Variants in WNT3A observed in about 807,000 individuals in gnomAD.
WNT3A encodes protein Wnt-3a.
WNT3A carries 17 observed loss-of-function variants against 37.0 expected under a neutral mutation model. The ratio of observed to expected loss-of-function variants is 0.46; its 90% CI spans 0.31 to 0.69. WNT3A has a LOEUF of 0.69. Ranked by LOEUF, WNT3A falls within the 30% of genes least tolerant of loss-of-function variation. The probability of loss-of-function intolerance (pLI) is 0.05; values close to 1 mark genes in which losing one functional copy is unlikely to be tolerated. For synonymous variants in WNT3A, 187 were observed against 211.0 expected (o/e 0.89, Z 0.99); for missense variants, 411 against 510.2 (o/e 0.81, Z 1.87).
chr1:228,055,173 AAAAAAAATATATATAT>A (rs1220248206), intron 3 of WNT3A, among the ~76,000 whole-genome samples: 59 of 72,280 alleles, frequency 8.2e-4, no homozygotes, highest in South Asian at 3.7e-3. Context: ...AAAAAAAAAA[AAAAAAAATATATATAT>A]ATATATATAT....
chr1:228,022,811 T>C lies in WNT3A; in HGVS notation c.216T>C (p.Ile72=), dbSNP rs2030751222. 1.9e-6 allele frequency: 3 copies of C among 1,614,118 alleles called. No homozygotes were observed. Among genetic ancestry groups the C allele is most frequent in the Non-Finnish European group, 2.5e-6 (3 of 1,180,034 alleles). Residue 72 remains isoleucine (I), a synonymous_variant, in exon 2 of 4, where the codon ATT becomes ATC. Coordinates refer to ENST00000284523, the MANE Select transcript of WNT3A (RefSeq NM_033131.4). ...CCAGCGTGGCCGAGGGCATCAAGAT[T>C]GGCATCCAGGAGTGCCAGCACCAGT... ...IMPSVAEGIK[I]GIQECQHQFR...
intron 1 of WNT3A, among the ~76,000 whole-genome samples, chr1:228,013,594 C>T (rs1309891346): frequency 6.6e-6 from 1 of 152,100 alleles, no homozygotes; most frequent in Non-Finnish European, 1.5e-5. Flanking sequence ...GCAGCCTGGA[C>T]TGGGAAGGGT....
In WNT3A at chr1:228,038,085, C is replaced by T. The variant is rs1001037270; in HGVS notation, c.314-12571C>T. Among the ~76,000 whole-genome samples, 4 of 151,922 alleles carry T rather than the reference C, an allele frequency of 2.6e-5. No homozygotes were observed. Among genetic ancestry groups the T allele is most frequent in the Admixed American group, 6.6e-5 (1 of 15,248 alleles). On this transcript the variant is annotated intron_variant, in intron 2 of 3. Coordinates refer to ENST00000284523, the MANE Select transcript of WNT3A (RefSeq NM_033131.4). The surrounding 1 kb of genome is among the most constrained non-coding windows in gnomAD (Gnocchi z 5.7). Reference sequence around the variant, plus strand: ...ACGGCGCCCGGCCGCGCGGGCCGCCCGGCGGTGTCAGGGGCCGTGGCCGCG... The same window carrying T: ...ACGGCGCCCGGCCGCGCGGGCCGCCTGGCGGTGTCAGGGGCCGTGGCCGCG...
intron 1 of WNT3A, among the ~76,000 whole-genome samples, chr1:228,021,786 T>G (rs1044824502): frequency 2.6e-5 from 4 of 152,192 alleles, no homozygotes; most frequent in Non-Finnish European, 2.9e-5. Context: ...CCAGGCCTCC[T>G]CCTCCAATCC....
chr1:228,012,657 G>A (rs2102760497), intron 1 of WNT3A, among the ~76,000 whole-genome samples: 1 of 152,262 alleles, frequency 6.6e-6, no homozygotes, highest in South Asian at 2.1e-4. Flanking sequence ...CTGTTCAGAA[G>A]ACCCGCTTCA....
Position 228,042,817 on chromosome 1 carries a change from T to TAATGGATG in WNT3A, c.314-7837_314-7830dup, listed in dbSNP as rs915554361. On this transcript the variant is annotated intron_variant, in intron 2 of 3. Coordinates refer to ENST00000284523, the MANE Select transcript of WNT3A (RefSeq NM_033131.4). The surrounding 1 kb of genome is among the most constrained non-coding windows in gnomAD (Gnocchi z 5.2). ...TAGATGTGGATGATGGATGGATGGATAATGGATGATGGATGGATGTGGATG... is the reference window on the plus strand; with the variant it reads ...TAGATGTGGATGATGGATGGATGGATAATGGATGAATGGATGATGGATGGATGTGGATG... Among the ~76,000 whole-genome samples the TAATGGATG allele has an allele frequency of 4.0e-5, 6 of 151,206 alleles. No individual in the cohort carries two copies. The highest frequency in any genetic ancestry group is 1.5e-4 in the African/African-American group (6 of 41,108).
At chr1:228,058,097 G>A (rs988860836) in intron 3 of WNT3A, among the ~76,000 whole-genome samples, 4 of 152,124 alleles carry the variant, frequency 2.6e-5, no homozygotes, top group South Asian at 2.1e-4. Context: ...CACCATGCCC[G>A]GCCAGAAACA....
chr1:228,058,810 G>A (rs1306216611), intron 3 of WNT3A, among the ~76,000 whole-genome samples, 176 bp from the exon 4 acceptor site: 1 of 152,258 alleles, frequency 6.6e-6, no homozygotes, highest in Non-Finnish European at 1.5e-5. Flanking sequence ...CAAGGGAGCA[G>A]GCACCAGTAT....
At chr1:228,055,159 A>C (rs1223903545) in intron 3 of WNT3A, among the ~76,000 whole-genome samples, 3 of 16,476 alleles carry the variant, frequency 1.8e-4, no homozygotes, top group African/African-American at 2.8e-4. Context: ...ACTCCGTCCC[A>C]AAAAAAAAAA....
chr1:228,016,276 C>T (rs1223589256), intron 1 of WNT3A, among the ~76,000 whole-genome samples: 5 of 152,168 alleles, frequency 3.3e-5, no homozygotes, highest in African/African-American at 9.7e-5. Flanking sequence ...AGAAGTTTCC[C>T]CGTCAGCCTT....
Position 228,030,265 on chromosome 1 carries a change from G to A in WNT3A, c.313+7357G>A, listed in dbSNP as rs567684643. Among the ~76,000 whole-genome samples the A allele has an allele frequency of 7.9e-5, 12 of 151,550 alleles. No homozygotes were observed. The East Asian group carries it at 1.7e-3, about 22-fold the overall frequency. Reference sequence around the variant, plus strand: ...AAAAAAATTAGCCAAGGGGGGTGGTGGGCATCTGTAATCCCAGCTAGTCGG... The same window carrying A: ...AAAAAAATTAGCCAAGGGGGGTGGTAGGCATCTGTAATCCCAGCTAGTCGG... On this transcript the variant is annotated intron_variant, in intron 2 of 3. Transcript: ENST00000284523.
At chr1:228,009,261 G>C (rs867642831) in intron 1 of WNT3A, among the ~76,000 whole-genome samples, 2 of 152,066 alleles carry the variant, frequency 1.3e-5, no homozygotes, top group Non-Finnish European at 2.9e-5. Context: ...CAGGCTGCTC[G>C]GGCTGGAGCA....
chr1:228,044,686 T>C lies in WNT3A; in HGVS notation c.314-5970T>C, dbSNP rs138068069. Among the ~76,000 whole-genome samples the C allele has an allele frequency of 8.3e-3, 1,271 of 152,352 alleles. 19 individuals are homozygous for C. The highest frequency in any genetic ancestry group is 0.029 in the African/African-American group (1,190 of 41,570). On this transcript the variant is annotated intron_variant, in intron 2 of 3. Transcript: ENST00000284523. ...TAACTCAGTCCCCAGAATAAGGTGGTGTCTGCCAGGCTTCTCCTGTGCACA... is the reference window on the plus strand; with the variant it reads ...TAACTCAGTCCCCAGAATAAGGTGGCGTCTGCCAGGCTTCTCCTGTGCACA...
Position 228,007,894 on chromosome 1 carries a change from G to A in WNT3A, c.71+695G>A, listed in dbSNP as rs990695162. On this transcript the variant is annotated intron_variant, in intron 1 of 3. Coordinates refer to ENST00000284523, the MANE Select transcript of WNT3A (RefSeq NM_033131.4). This position sits in a 1 kb window ranked among gnomAD's most constrained non-coding sequence, Gnocchi z 6.0. Reference sequence around the variant, plus strand: ...GAGTTAAGGGTGAGTTAAGCACGGGGTGTGAGGGGCTCCAGGACCCTCAAT... The same window carrying A: ...GAGTTAAGGGTGAGTTAAGCACGGGATGTGAGGGGCTCCAGGACCCTCAAT... 2.6e-5 allele frequency among the ~76,000 whole-genome samples: 4 copies of A among 152,202 alleles called. No individual in the cohort carries two copies. The highest frequency in any genetic ancestry group is 7.2e-5 in the African/African-American group (3 of 41,474).
chr1:228,027,073 C>T (rs1190747171), intron 2 of WNT3A, among the ~76,000 whole-genome samples: 1 of 152,138 alleles, frequency 6.6e-6, no homozygotes, highest in East Asian at 1.9e-4. Context: ...GACCTCCTGA[C>T]CTCAGGTGAT....
At chr1:228,055,537 ATGG>A (rs1173789410) in intron 3 of WNT3A, among the ~76,000 whole-genome samples, 3 of 152,064 alleles carry the variant, frequency 2.0e-5, no homozygotes, top group Non-Finnish European at 2.9e-5. Context: ...GATTAGATAG[ATGG>A]ATGAATAGAT....
At position 228,042,797 on chromosome 1, in the gene WNT3A, GTGGATGATGGATGGATGGATAA is replaced by G. The variant is rs1393800529; in HGVS notation, c.314-7841_314-7820del. Among the ~76,000 whole-genome samples, 2 of 151,670 alleles carry G rather than the reference GTGGATGATGGATGGATGGATAA, an allele frequency of 1.3e-5. No individual in the cohort carries two copies. Among genetic ancestry groups the G allele is most frequent in the Non-Finnish European group, 2.9e-5 (2 of 67,884 alleles). On this transcript the variant is annotated intron_variant, in intron 2 of 3. Transcript: ENST00000284523. This position sits in a 1 kb window ranked among gnomAD's most constrained non-coding sequence, Gnocchi z 5.2. ...GATGATAGATGGATGATGGATAGAT[GTGGATGATGGATGGATGGATAA>G]TGGATGATGGATGGATGTGGATGAC...
intron 1 of WNT3A, among the ~76,000 whole-genome samples, chr1:228,014,789 C>T (rs1160276682): frequency 2.6e-5 from 4 of 152,264 alleles, no homozygotes; most frequent in African/African-American, 9.6e-5. Flanking sequence ...TCACAGCCAG[C>T]ATCTCTGCCG....
At chr1:228,034,873 A>C (rs2031097338) in intron 2 of WNT3A, among the ~76,000 whole-genome samples, 1 of 152,136 alleles carries the variant, frequency 6.6e-6, no homozygotes, top group Admixed American at 6.5e-5. Context: ...GAAACTCCCT[A>C]GGGTATGGCA....
Sources: gnomAD v4.1 joint callset for allele counts (sites outside exome capture counted in the v4.1 genomes callset) on GRCh38, gnomAD v4.1.1 for gene constraint, Gnocchi (gnomAD v3.1) non-coding constraint, MANE v1.5 for transcripts, NCBI Gene and HGNC (gene_info 2026-07-23, HGNC 2026-07-21) for gene names.